The following CHST9 variants were observed in gnomAD, a reference collection of about 807,000 sequenced individuals.
CHST9 encodes the protein GalNAc-4-sulfotransferase 2.
Under a neutral mutation model 44.4 loss-of-function variants are expected in CHST9, and 41 were observed. That is an observed-to-expected ratio of 0.92 (90% CI 0.72 to 1.20). CHST9 has a LOEUF of 1.20. Among genes scored for constraint, CHST9 ranks in the 50% most tolerant of loss-of-function variants. The probability of loss-of-function intolerance (pLI) is 0.00; values close to 1 mark genes in which losing one functional copy is unlikely to be tolerated. For synonymous variants in CHST9, 171 were observed against 178.4 expected (o/e 0.96, Z 0.33); for missense variants, 504 against 516.5 (o/e 0.98, Z 0.23).
chr18:27,097,376 T>A (rs1598722008), intron 2 of CHST9, among the ~76,000 whole-genome samples: 1 of 152,034 alleles, frequency 6.6e-6, no homozygotes, highest in Admixed American at 6.6e-5. Flanking sequence ...TTCAACATAG[T>A]ACTGGAAGCA....
In CHST9 at chr18:26,909,634, A is replaced by G. The variant is rs2055413488; in HGVS notation, c.*6625T>C. ...AAAATCATTTTTCTAAACTTTGGAA[A>G]TATTTTCAGCAAATGAATGCATAAA... On this transcript the variant is annotated 3_prime_UTR_variant, in exon 6 of 6. Transcript: ENST00000618847. 1 of 152,224 alleles carries G rather than the reference A, an allele frequency of 6.6e-6. No homozygotes were observed. Among genetic ancestry groups the G allele is most frequent in the African/African-American group, 2.4e-5 (1 of 41,454 alleles). The allele number at this position is 152,224 out of a possible 1,614,324, so 9.4% of individuals were successfully genotyped here.
Position 26,907,863 on chromosome 18 carries a change from A to G in CHST9, c.*8396T>C. On this transcript the variant is annotated 3_prime_UTR_variant, in exon 6 of 6. Transcript: ENST00000618847. The stretch of plus-strand genomic sequence containing the variant: ...AATTCTGGTACGTCCTTCAATATGG[A>G]TGAACCTTGAGGACATTATGCTAAG... 5.5e-6 allele frequency: 1 copy of G among 181,042 alleles called. No individual in the cohort carries two copies. Among genetic ancestry groups the G allele is most frequent in the Non-Finnish European group, 1.1e-5 (1 of 88,574 alleles). The allele number at this position is 181,042 out of a possible 1,614,324, so 11.2% of individuals were successfully genotyped here.
Position 27,180,968 on chromosome 18 carries a change from G to A in CHST9, c.-97+4168C>T, listed in dbSNP as rs536680229. Among the ~76,000 whole-genome samples the A allele has an allele frequency of 5.3e-5, 8 of 151,584 alleles. No individual in the cohort carries two copies. In the South Asian group the frequency reaches 1.7e-3, roughly 32 times the overall value. On this transcript the variant is annotated intron_variant, in intron 1 of 5. Coordinates refer to ENST00000618847, the MANE Select transcript of CHST9 (RefSeq NM_031422.6). The stretch of plus-strand genomic sequence containing the variant: ...GTCATGCCTTACAAAAAATGAAAAT[G>A]TTTCCTTAAAAAAAAAGCATCCCTA...
chr18:26,916,673 T>G lies in CHST9; in HGVS notation c.918A>C (p.Gly306=), dbSNP rs773425949. The part of the protein sequence containing the change: ...HPNSYYHPVF[G]KAIIKKYRPN... ...GTCGATATTTCTTGATAATTGCCTT[T>G]CCGAATACTGGATGGTAATAACTAT... Residue 306 remains glycine (G), a synonymous_variant, in exon 6 of 6, where the codon GGA becomes GGC. Transcript: ENST00000618847. 3 of 1,613,936 alleles carry G rather than the reference T, an allele frequency of 1.9e-6. No homozygotes were observed. Among genetic ancestry groups the G allele is most frequent in the Non-Finnish European group, 2.5e-6 (3 of 1,179,822 alleles).
chr18:27,162,809 A>G (rs1403784150), intron 1 of CHST9, among the ~76,000 whole-genome samples: 5 of 152,094 alleles, frequency 3.3e-5, no homozygotes, highest in Admixed American at 1.3e-4. Context: ...TCTTCTCTCA[A>G]GTCGTCAAAG....
chr18:27,101,571 C>CT (rs2058172906), intron 2 of CHST9, among the ~76,000 whole-genome samples: 1 of 151,758 alleles, frequency 6.6e-6, no homozygotes, highest in African/African-American at 2.4e-5. Flanking sequence ...GATTGCGCCA[C>CT]TGCAGTCCGG....
chr18:26,966,189 T>C (rs759166831), intron 4 of CHST9, among the ~76,000 whole-genome samples: 5 of 152,218 alleles, frequency 3.3e-5, no homozygotes, highest in Non-Finnish European at 7.3e-5. Flanking sequence ...CTTTTAATGA[T>C]TTTTCTGATG....
chr18:27,109,967 T>C (rs1440975257), intron 2 of CHST9, among the ~76,000 whole-genome samples: 2 of 152,112 alleles, frequency 1.3e-5, no homozygotes, highest in African/African-American at 4.8e-5. Context: ...GAAAGTCCAA[T>C]TTCCTTTATT....
At chr18:27,114,218 C>T (rs1382783534) in intron 2 of CHST9, among the ~76,000 whole-genome samples, 9 of 152,120 alleles carry the variant, frequency 5.9e-5, no homozygotes, top group African/African-American at 1.9e-4. Context: ...CCAATTATAA[C>T]GACGGAATCT....
At chr18:27,092,891 C>T (rs192826592) in intron 2 of CHST9, among the ~76,000 whole-genome samples, 196 of 152,178 alleles carry the variant, frequency 1.3e-3, no homozygotes, top group East Asian at 6.9e-3. Context: ...GGAATAAGTG[C>T]GGTGTGGTGC....
chr18:26,999,622 T>A (rs1369781749), intron 4 of CHST9, among the ~76,000 whole-genome samples: 1 of 152,070 alleles, frequency 6.6e-6, no homozygotes, highest in Admixed American at 6.5e-5. Flanking sequence ...AAAGTTTATA[T>A]AAAAAAATTG....
At chr18:27,025,477 G>A (rs2057275677) in intron 3 of CHST9, among the ~76,000 whole-genome samples, 1 of 151,952 alleles carries the variant, frequency 6.6e-6, no homozygotes, top group Admixed American at 6.6e-5. Context: ...AATTTCACGT[G>A]TGCCAAAAAA....
chr18:26,966,046 T>C (rs1344328045), intron 4 of CHST9, among the ~76,000 whole-genome samples: 1 of 152,244 alleles, frequency 6.6e-6, no homozygotes, highest in Non-Finnish European at 1.5e-5. Flanking sequence ...AAATAGTTTA[T>C]TCATAATGCT....
chr18:27,032,965 A>T (rs1422547824), intron 3 of CHST9, among the ~76,000 whole-genome samples: 1 of 152,214 alleles, frequency 6.6e-6, no homozygotes, highest in Non-Finnish European at 1.5e-5. Context: ...AATTAGTTTC[A>T]TATCCTTTGA....
At chr18:27,141,684 C>T (rs752696482) in intron 2 of CHST9, among the ~76,000 whole-genome samples, 3 of 136,928 alleles carry the variant, frequency 2.2e-5, no homozygotes, top group Non-Finnish European at 4.6e-5. Context: ...ATAGTTGTAA[C>T]TCAGTATTAA....
chr18:26,952,278 G>T (rs1025566499), intron 4 of CHST9: 1 of 524,032 alleles, frequency 1.9e-6, no homozygotes, highest in Non-Finnish European at 3.8e-6. Flanking sequence ...GCTTTTCAGG[G>T]TGTTGGAAAC....
intron 2 of CHST9, among the ~76,000 whole-genome samples, chr18:27,101,586 G>C (rs2058173072): frequency 6.6e-6 from 1 of 151,198 alleles, no homozygotes; most frequent in Non-Finnish European, 1.5e-5. Flanking sequence ...GTCCGGCCTG[G>C]GTGAAAGAGC....
chr18:27,146,044 T>C (rs1262843516), intron 1 of CHST9, among the ~76,000 whole-genome samples: 1 of 152,024 alleles, frequency 6.6e-6, no homozygotes, highest in Admixed American at 6.5e-5. Flanking sequence ...AAAACTTATC[T>C]CAGAAGAGAA....
intron 2 of CHST9, among the ~76,000 whole-genome samples, chr18:27,082,764 G>A (rs1190238375): frequency 6.6e-6 from 1 of 152,112 alleles, no homozygotes; most frequent in Non-Finnish European, 1.5e-5. Context: ...TGAGGTGACA[G>A]TATAAGAGGA....
Sources: gnomAD v4.1 joint callset for allele counts (sites outside exome capture counted in the v4.1 genomes callset) on GRCh38, gnomAD v4.1.1 for gene constraint, MANE v1.5 for transcripts, NCBI Gene and HGNC (gene_info 2026-07-23, HGNC 2026-07-21) for gene names.